Variants in GAREM1 observed in about 807,000 individuals in gnomAD.
The protein encoded by GAREM1 is GRB2-associated and regulator of MAPK protein 1.
A neutral mutation model predicts 71.3 loss-of-function variants in GAREM1; 26 were observed. The observed-to-expected ratio is 0.36, with a 90% CI of 0.27 to 0.51. GAREM1 has a LOEUF of 0.51. Among genes scored for constraint, GAREM1 ranks in the 20% least tolerant of loss-of-function variants. The probability of loss-of-function intolerance (pLI) is 0.95; values close to 1 mark genes in which losing one functional copy is unlikely to be tolerated. For synonymous variants in GAREM1, 440 were observed against 433.2 expected (o/e 1.02, Z -0.20); for missense variants, 1,026 against 1,103.1 (o/e 0.93, Z 0.99).
intron 2 of GAREM1, among the ~76,000 whole-genome samples, chr18:32,381,107 C>A (rs2048093190): frequency 6.6e-6 from 1 of 151,918 alleles, no homozygotes. Flanking sequence ...GAGCCTGAGA[C>A]TTTTGTGCAC....
chr18:32,378,012 C>CTGTGTGTG (rs1157230204), intron 2 of GAREM1, among the ~76,000 whole-genome samples: 1,894 of 131,788 alleles, frequency 0.014, 19 homozygotes, highest in Non-Finnish European at 0.016. Flanking sequence ...TACTATATAA[C>CTGTGTGTG]TGTGTGTGTG....
chr18:32,448,943 C>T (rs1441935876), intron 1 of GAREM1, among the ~76,000 whole-genome samples: 7 of 152,122 alleles, frequency 4.6e-5, no homozygotes. Flanking sequence ...GGTATTTTTG[C>T]TTACAGTGGT....
chr18:32,452,852 C>T (rs574279960), intron 1 of GAREM1, among the ~76,000 whole-genome samples: 34 of 116,158 alleles, frequency 2.9e-4, no homozygotes, highest in African/African-American at 9.3e-4. Flanking sequence ...ATAACTTCTA[C>T]GTTTTTTTTT....
In GAREM1 at chr18:32,284,752, C is replaced by CTTTTT. The variant is rs34946592; in HGVS notation, c.1566+2274_1566+2278dup. On this transcript the variant is annotated intron_variant, in intron 4 of 5. Coordinates refer to ENST00000269209, the MANE Select transcript of GAREM1 (RefSeq NM_001242409.2). Reference sequence around the variant, plus strand: ...ACTTGTTTGGAGGGGTGCCCCCTTACTTTTTTTTTTTTTTTTTGAGACAGT... The same window carrying CTTTTT: ...ACTTGTTTGGAGGGGTGCCCCCTTACTTTTTTTTTTTTTTTTTTTTTTGAGACAGT... 9.5e-3 allele frequency among the ~76,000 whole-genome samples: 1,154 copies of CTTTTT among 121,164 alleles called. 21 individuals are homozygous for CTTTTT. The highest frequency in any genetic ancestry group is 0.037 in the African/African-American group (1,039 of 28,230). The allele number at this position is 121,164 out of a possible 152,430, so 79.5% of individuals were successfully genotyped here.
At chr18:32,277,261 T>TA (rs1050495524) in intron 4 of GAREM1, among the ~76,000 whole-genome samples, 8 of 151,504 alleles carry the variant, frequency 5.3e-5, no homozygotes, top group Admixed American at 1.3e-4. Context: ...GCATGCCTTT[T>TA]AAAAAAAAAC....
At chr18:32,320,973 G>A (rs2047422750) in intron 2 of GAREM1, among the ~76,000 whole-genome samples, 2 of 152,042 alleles carry the variant, frequency 1.3e-5, no homozygotes. Flanking sequence ...AAATCTCTTA[G>A]TCCAGAGCAC....
rs1013816795 is a variant in GAREM1, at chr18:32,331,238, A to G, written c.263-20915T>C. On this transcript the variant is annotated intron_variant, in intron 2 of 5. Coordinates refer to ENST00000269209, the MANE Select transcript of GAREM1 (RefSeq NM_001242409.2). The stretch of plus-strand genomic sequence containing the variant: ...GGAGTTATACCCTTTCTTAAACTGT[A>G]CTCCCTACTAATGGGAACCTCACAA... 2.0e-5 allele frequency among the ~76,000 whole-genome samples: 3 copies of G among 152,292 alleles called. No individual in the cohort carries two copies. In the East Asian group the frequency reaches 5.8e-4, roughly 29 times the overall value.
intron 1 of GAREM1, among the ~76,000 whole-genome samples, chr18:32,459,288 A>G (rs1021195087): frequency 3.3e-5 from 5 of 152,150 alleles, no homozygotes; most frequent in African/African-American, 1.2e-4. Flanking sequence ...GCTATATGAA[A>G]GCAAAACAAA....
chr18:32,387,023 C>CT (rs11346918), intron 2 of GAREM1, among the ~76,000 whole-genome samples: 3 of 140,486 alleles, frequency 2.1e-5, no homozygotes, highest in African/African-American at 8.8e-5. Flanking sequence ...GGTTTATATT[C>CT]TTTTTTTTTT....
chr18:32,354,624 A>G (rs891350201), intron 2 of GAREM1, among the ~76,000 whole-genome samples: 36 of 152,226 alleles, frequency 2.4e-4, no homozygotes, highest in Admixed American at 2.0e-4. Context: ...CTGATCATCC[A>G]GAATGGGCTA....
intron 2 of GAREM1, among the ~76,000 whole-genome samples, chr18:32,357,313 T>C (rs978085088): frequency 6.6e-6 from 1 of 152,176 alleles, no homozygotes; most frequent in African/African-American, 2.4e-5. Flanking sequence ...CCTGTCTCAA[T>C]TAAAAATAAA....
At chr18:32,465,617 T>C (rs2048991902) in intron 1 of GAREM1, among the ~76,000 whole-genome samples, 1 of 152,180 alleles carries the variant, frequency 6.6e-6, no homozygotes, top group Admixed American at 6.5e-5. Flanking sequence ...TTGGTCTTCC[T>C]TTTCCTTTCA....
intron 2 of GAREM1, among the ~76,000 whole-genome samples, chr18:32,354,140 T>G (rs1185418504): frequency 6.6e-6 from 1 of 152,166 alleles, no homozygotes; most frequent in Non-Finnish European, 1.5e-5. Context: ...TACCAGAGGT[T>G]GTGGTTTATC....
At chr18:32,306,832 G>A (rs2047260930) in intron 3 of GAREM1, among the ~76,000 whole-genome samples, 1 of 152,218 alleles carries the variant, frequency 6.6e-6, no homozygotes. Context: ...AGTGCCTGCA[G>A]TAGTGCTGGG....
intron 4 of GAREM1, among the ~76,000 whole-genome samples, chr18:32,285,752 C>T (rs1189597905): frequency 2.0e-5 from 3 of 152,184 alleles, no homozygotes; most frequent in African/African-American, 7.2e-5. Context: ...TCATCTGTTA[C>T]CTTCCCTGTA....
chr18:32,343,238 G>A (rs1271787994), intron 2 of GAREM1, among the ~76,000 whole-genome samples: 1 of 151,710 alleles, frequency 6.6e-6, no homozygotes, highest in African/African-American at 2.4e-5. Flanking sequence ...ACTGGAAAGC[G>A]GGTGGAGAAA....
intron 1 of GAREM1, among the ~76,000 whole-genome samples, chr18:32,446,252 GTA>G (rs2048785403): frequency 6.7e-6 from 1 of 149,752 alleles, no homozygotes; most frequent in Non-Finnish European, 1.5e-5. Context: ...GTGTGTGTGT[GTA>G]TAACAACAGA....
At chr18:32,341,017 T>C (rs1433738525) in intron 2 of GAREM1, among the ~76,000 whole-genome samples, 3 of 152,142 alleles carry the variant, frequency 2.0e-5, no homozygotes, top group Admixed American at 6.5e-5. Context: ...CTAGGGTACA[T>C]GTGCACAATG....
chr18:32,413,833 A>G lies in GAREM1; in HGVS notation c.122-20798T>C, dbSNP rs527406814. On this transcript the variant is annotated intron_variant, in intron 1 of 5. Coordinates refer to ENST00000269209, the MANE Select transcript of GAREM1 (RefSeq NM_001242409.2). ...AGATATTGACTGAAAGATATCATCA[A>G]TTAAATTGGTACTGTGGTTAGTTAC... 5.3e-5 allele frequency among the ~76,000 whole-genome samples: 8 copies of G among 152,318 alleles called. No homozygotes were observed. In the South Asian group the frequency reaches 1.7e-3, roughly 32 times the overall value.
Sources: gnomAD v4.1 joint callset for allele counts (sites outside exome capture counted in the v4.1 genomes callset) on GRCh38, gnomAD v4.1.1 for gene constraint, MANE v1.5 for transcripts, NCBI Gene and HGNC (gene_info 2026-07-23, HGNC 2026-07-21) for gene names.